DENND10: variants seen among roughly 807,000 people sequenced by gnomAD.
DENND10 encodes DENN domain containing 10, also known as DENN domain-containing protein 10.
DENND10 carries 24 observed loss-of-function variants against 43.6 expected under a neutral mutation model. The observed-to-expected ratio is 0.55, with a 90% CI of 0.40 to 0.77. The LOEUF (loss-of-function observed/expected upper bound fraction) is 0.77. Ranked by LOEUF, DENND10 falls within the 30% of genes least tolerant of loss-of-function variation. DENND10 has a pLI of 0.00. For synonymous variants in DENND10, 125 were observed against 157.6 expected, an observed-to-expected ratio of 0.79 and a Z score of 1.55; for missense variants, 303 against 429.9, an observed-to-expected ratio of 0.70 and a Z score of 2.61.
intron 3 of DENND10, among the ~76,000 whole-genome samples, chr10:119,117,257 A>G (rs1185280064): frequency 6.6e-6 from 1 of 151,946 alleles, no homozygotes; most frequent in Admixed American, 6.6e-5. Context: ...CTGTAATCCC[A>G]GGTACTCGGG....
intron 6 of DENND10, among the ~76,000 whole-genome samples, chr10:119,125,529 T>C (rs543965504): frequency 1.4e-5 from 2 of 139,402 alleles, no homozygotes; most frequent in Admixed American, 7.2e-5. Flanking sequence ...TTTTTTTGAG[T>C]TGGAGTCTCA....
rs1448492234 is a variant in DENND10, at chr10:119,136,634, T to C, written c.1061T>C (p.Met354Thr). 1 of 1,506,382 alleles carries C rather than the reference T, an allele frequency of 6.6e-7. No individual in the cohort carries two copies. Among genetic ancestry groups the C allele is most frequent in the Non-Finnish European group, 9.0e-7 (1 of 1,115,702 alleles). 93.3% of individuals were successfully genotyped at this position (1,506,382 alleles called of 1,614,324 possible). A position where few individuals can be genotyped will look rare whatever the true frequency, so the allele number is the denominator to read the frequency against. ...FLYHLAAAEQ[M>T]LKI is the part of the protein sequence containing the mutation. ...TATCATCTAGCAGCAGCCGAACAAA[T>C]GCTGAAAATCTGACTGTGTGACAGA... Residue 354 changes from methionine (M) to threonine (T), a missense_variant, in exon 9 of 9, where the codon ATG becomes ACG. Physicochemically the swap from Met to Thr is moderately conservative, Grantham distance 81. Transcript: ENST00000361432.
intron 3 of DENND10, among the ~76,000 whole-genome samples, chr10:119,115,706 G>C (rs1845230864): frequency 6.6e-6 from 1 of 150,762 alleles, no homozygotes; most frequent in African/African-American, 2.4e-5. Flanking sequence ...AAGTTGGCAA[G>C]CAGTTAAAAC....
At chr10:119,129,399 C>G (rs762548506) in intron 6 of DENND10, 116 bp from the exon 7 acceptor site, 1 of 675,820 alleles carries the variant, frequency 1.5e-6, no homozygotes, top group Non-Finnish European at 2.7e-6. Context: ...AGCTAATGTT[C>G]CCGAATGAAT....
chr10:119,126,663 C>T (rs2133514309), intron 6 of DENND10, among the ~76,000 whole-genome samples: 1 of 151,946 alleles, frequency 6.6e-6, no homozygotes, highest in African/African-American at 2.4e-5. Context: ...CAGGGTTTCA[C>T]CATATTGGTC....
intron 3 of DENND10, among the ~76,000 whole-genome samples, chr10:119,115,415 T>C (rs1349982052): frequency 2.4e-5 from 3 of 123,458 alleles, no homozygotes; most frequent in Admixed American, 1.8e-4. Flanking sequence ...TGAGACGGAG[T>C]CTCGCTCTGT....
chr10:119,135,488 A>G (rs1846285117), intron 8 of DENND10, among the ~76,000 whole-genome samples: 1 of 152,188 alleles, frequency 6.6e-6, no homozygotes, highest in Non-Finnish European at 1.5e-5. Context: ...AAGGAATAGA[A>G]TTCTGATACA....
intron 2 of DENND10, among the ~76,000 whole-genome samples, chr10:119,110,270 C>T (rs1021098115): frequency 1.3e-5 from 2 of 151,756 alleles, no homozygotes; most frequent in Non-Finnish European, 2.9e-5. Context: ...CTCCCAGGAT[C>T]AAGCGATTCT....
intron 3 of DENND10, among the ~76,000 whole-genome samples, 169 bp from the exon 4 acceptor site, chr10:119,117,350 C>T (rs186069676): frequency 6.0e-4 from 91 of 151,938 alleles, no homozygotes; most frequent in African/African-American, 2.1e-3. Flanking sequence ...CCAGCCCGGG[C>T]GACAGAGTGA....
Position 119,104,203 on chromosome 10 carries a change from G to A in DENND10, c.55+6G>A. ...GCTTGGAGTCGGGCTGATCGGTGAGGACGTAGGCGCCCTGCCTGGAAGCCC... is the reference window on the plus strand; with the variant it reads ...GCTTGGAGTCGGGCTGATCGGTGAGAACGTAGGCGCCCTGCCTGGAAGCCC... On this transcript the variant is annotated splice_donor_region_variant and intron_variant, in intron 1 of 8. Transcript: ENST00000361432. 1.3e-6 allele frequency: 2 copies of A among 1,515,708 alleles called. No individual in the cohort carries two copies. The highest frequency in any genetic ancestry group is 2.5e-5 in the South Asian group (2 of 80,214). The allele number at this position is 1,515,708 out of a possible 1,614,324, so 93.9% of individuals were successfully genotyped here.
At chr10:119,107,315 T>C (rs1308676540) in intron 1 of DENND10, among the ~76,000 whole-genome samples, 2 of 151,908 alleles carry the variant, frequency 1.3e-5, no homozygotes, top group African/African-American at 4.8e-5. Flanking sequence ...AAAAAAAGAA[T>C]TATTCCAACT....
At position 119,111,193 on chromosome 10, in the gene DENND10, G is replaced by C. The variant is rs908577044; in HGVS notation, c.253-656G>C. On this transcript the variant is annotated intron_variant, in intron 2 of 8. Transcript: ENST00000361432. ...TGAGGCATGAGAATTGCTTGAACCCGGGAGGCAGAGGTTACAGTGAGCTGA... is the reference window on the plus strand; with the variant it reads ...TGAGGCATGAGAATTGCTTGAACCCCGGAGGCAGAGGTTACAGTGAGCTGA... Among the ~76,000 whole-genome samples the C allele has an allele frequency of 6.0e-5, 9 of 149,206 alleles. No homozygotes were observed. The Admixed American group carries it at 6.1e-4, about 10-fold the overall frequency.
intron 6 of DENND10, among the ~76,000 whole-genome samples, chr10:119,125,848 C>G (rs548309024): frequency 1.7e-3 from 255 of 152,178 alleles, no homozygotes; most frequent in African/African-American, 5.9e-3. Context: ...ATACAATAAA[C>G]TATCATTCAC....
rs1846401918 is a variant in DENND10 at position 119,137,224 on chromosome 10, CTA to C, written c.*579_*580del. 6.4e-6 allele frequency: 1 copy of C among 156,774 alleles called. No individual in the cohort carries two copies. Among genetic ancestry groups the C allele is most frequent in the South Asian group, 2.3e-4 (1 of 4,302 alleles). The allele number at this position is 156,774 out of a possible 1,614,324, so 9.7% of individuals were successfully genotyped here. On this transcript the variant is annotated 3_prime_UTR_variant, in exon 9 of 9. Coordinates refer to ENST00000361432, the MANE Select transcript of DENND10 (RefSeq NM_207009.4). ...TTTTCCCGGCCTTTGAACATTTTGC[CTA>C]TGAGAGTTTTGCATATATTTTATAC...
chr10:119,106,700 A>AT (rs1844710806), intron 1 of DENND10, among the ~76,000 whole-genome samples: 1 of 152,118 alleles, frequency 6.6e-6, no homozygotes, highest in East Asian at 1.9e-4. Flanking sequence ...ATATTTCACT[A>AT]TTTTCTTCAT....
In DENND10 at chr10:119,119,848, G is replaced by A. The variant is rs370909604; in HGVS notation, c.482-493G>A. On this transcript the variant is annotated intron_variant, in intron 4 of 8. Transcript: ENST00000361432. ...TGCATCCCATCATAGAGTCCCTTGC[G>A]GGGCAGAGCACACGTCCTGGGAAGC... Among the ~76,000 whole-genome samples the A allele has an allele frequency of 8.5e-5, 13 of 152,068 alleles. No homozygotes were observed. The East Asian group carries it at 1.7e-3, about 20-fold the overall frequency.
Position 119,132,012 on chromosome 10 carries a change from T to C in DENND10, c.803-503T>C, listed in dbSNP as rs1589747732. Among the ~76,000 whole-genome samples the C allele has an allele frequency of 6.6e-6, 1 of 152,224 alleles. No individual in the cohort carries two copies. ...ACCTCCTCAGTGCAGACAGTAGCAA[T>C]GTATGTAACCAGGCTAACTTAGGTG... On this transcript the variant is annotated intron_variant, in intron 7 of 8. Coordinates refer to ENST00000361432, the MANE Select transcript of DENND10 (RefSeq NM_207009.4). The surrounding 1 kb of genome is among the most constrained non-coding windows in gnomAD (Gnocchi z 4.2).
At chr10:119,108,584 T>C (rs1844818261) in intron 2 of DENND10, among the ~76,000 whole-genome samples, 1 of 152,182 alleles carries the variant, frequency 6.6e-6, no homozygotes, top group African/African-American at 2.4e-5. Context: ...TTTATTGTTG[T>C]CTATTATATG....
At chr10:119,104,239 T>A in intron 1 of DENND10, 42 bp downstream of exon 1, 4 of 1,489,110 alleles carry the variant, frequency 2.7e-6, no homozygotes, top group Non-Finnish European at 3.6e-6. Flanking sequence ...GCACCCTGGT[T>A]CTGCCTCTGC....
Sources: gnomAD v4.1 joint callset for allele counts (sites outside exome capture counted in the v4.1 genomes callset) on GRCh38, gnomAD v4.1.1 for gene constraint, Gnocchi (gnomAD v3.1) non-coding constraint, MANE v1.5 for transcripts, NCBI Gene and HGNC (gene_info 2026-07-23, HGNC 2026-07-21) for gene names.